The following ZFHX3 variants were observed in gnomAD, a reference collection of about 807,000 sequenced individuals.
The protein encoded by ZFHX3 is zinc finger homeobox protein 3.
In ZFHX3, 42 loss-of-function variants were observed where a neutral mutation model predicts 279.1. The observed-to-expected ratio is 0.15, with a 90% CI of 0.12 to 0.19. ZFHX3 has a LOEUF of 0.19. Among genes scored for constraint, ZFHX3 ranks in the 10% least tolerant of loss-of-function variants. The pLI is 1.00. For missense variants in ZFHX3, 4,981 were observed against 4,754.0 expected (o/e 1.05, Z -1.40); for synonymous variants, 2,293 against 1,957.8 (o/e 1.17, Z -4.52).
chr16:73,316,182 A>G (rs1233702303), intron 4 of ZFHX3, among the ~76,000 whole-genome samples: 2 of 152,230 alleles, frequency 1.3e-5, no homozygotes, highest in Non-Finnish European at 2.9e-5. Flanking sequence ...GCAGGAGAAA[A>G]ATCCCCATTG....
rs1965736489 is a variant in ZFHX3, at chr16:73,065,460, T to A, written c.-532-6448A>T. On this transcript the variant is annotated intron_variant, in intron 8 of 17. Transcript: ENST00000641206. ...ACATATTCTGAATAAACGTGAGGGT[T>A]TTTTTTTTTCTTGAGGAATACCTAG... Among the ~76,000 whole-genome samples, 4 of 150,020 alleles carry A rather than the reference T, an allele frequency of 2.7e-5. No individual in the cohort carries two copies. In the South Asian group the frequency reaches 8.6e-4, roughly 32 times the overall value.
At chr16:73,552,244 C>T (rs2020213533) in intron 2 of ZFHX3, among the ~76,000 whole-genome samples, 1 of 152,148 alleles carries the variant, frequency 6.6e-6, no homozygotes, top group African/African-American at 2.4e-5. Flanking sequence ...CTCTCTCCAC[C>T]CTGCTTTCGG....
rs1318386486 is a variant in ZFHX3, at chr16:72,795,170, G to C, written c.7512C>G (p.Leu2504=). The C allele has an allele frequency of 1.2e-6, 2 of 1,610,598 alleles. No homozygotes were observed. The highest frequency in any genetic ancestry group is 1.7e-6 in the Non-Finnish European group (2 of 1,178,098). The change falls in exon 9 of 10, where the codon CTC becomes CTG. Residue 2504 remains leucine, a synonymous_variant. Transcript: ENST00000268489. The part of the protein sequence containing the change: ...LPQSSPSPSQ[L]SHLPLKPLHT... ...GGAGGGGCTTGAGGGGCAGGTGGGAGAGCTGGGAAGGACTGGGGCTCGACT... is the reference window on the plus strand; with the variant it reads ...GGAGGGGCTTGAGGGGCAGGTGGGACAGCTGGGAAGGACTGGGGCTCGACT...
chr16:73,328,110 A>G (rs2015729872), intron 3 of ZFHX3, among the ~76,000 whole-genome samples: 1 of 152,234 alleles, frequency 6.6e-6, no homozygotes, highest in East Asian at 1.9e-4. Flanking sequence ...AGAGCAACTC[A>G]GGGTCTTTTA....
intron 1 of ZFHX3, among the ~76,000 whole-genome samples, chr16:73,786,922 C>T (rs781569003): frequency 7.2e-5 from 11 of 152,204 alleles, no homozygotes; most frequent in Non-Finnish European, 1.6e-4. Flanking sequence ...GCACCTCAGA[C>T]TGGCTCAATT....
chr16:73,298,382 C>G (rs558642562), intron 4 of ZFHX3, among the ~76,000 whole-genome samples: 1 of 152,040 alleles, frequency 6.6e-6, no homozygotes, highest in East Asian at 1.9e-4. Flanking sequence ...TGGGGTTTCT[C>G]CATGTTGGTC....
chr16:72,891,634 G>A (rs2038775854), intron 3 of ZFHX3, among the ~76,000 whole-genome samples: 1 of 152,216 alleles, frequency 6.6e-6, no homozygotes, highest in Non-Finnish European at 1.5e-5. Flanking sequence ...AGGTAACCCA[G>A]TTAGTTAGGG....
intron 1 of ZFHX3, among the ~76,000 whole-genome samples, chr16:73,685,582 T>C (rs925880759): frequency 1.3e-5 from 2 of 152,246 alleles, no homozygotes; most frequent in African/African-American, 2.4e-5. Flanking sequence ...GGTAAGATGA[T>C]AGATTTGTGT....
intron 4 of ZFHX3, among the ~76,000 whole-genome samples, chr16:72,855,513 T>C (rs1391106887): frequency 6.6e-6 from 1 of 152,188 alleles, no homozygotes; most frequent in African/African-American, 2.4e-5. Flanking sequence ...TTCTAATTCA[T>C]TCTGCAGAGA....
chr16:73,540,255 G>A (rs977167848), intron 2 of ZFHX3, among the ~76,000 whole-genome samples: 21 of 152,300 alleles, frequency 1.4e-4, no homozygotes, highest in African/African-American at 5.1e-4. Flanking sequence ...TGGGCTAGGC[G>A]AAGTCCTAGA....
At chr16:73,305,455 AG>A (rs912597182) in intron 4 of ZFHX3, among the ~76,000 whole-genome samples, 6 of 152,116 alleles carry the variant, frequency 3.9e-5, no homozygotes, top group Non-Finnish European at 8.8e-5. Context: ...TGACTTCCAA[AG>A]TGAGATGTTA....
chr16:72,869,713 T>C (rs1230951218), intron 4 of ZFHX3, among the ~76,000 whole-genome samples: 1 of 152,244 alleles, frequency 6.6e-6, no homozygotes, highest in Non-Finnish European at 1.5e-5. Context: ...TTTCTCCCTA[T>C]TGATTTTTAT....
At position 73,290,295 on chromosome 16, in the gene ZFHX3, C is replaced by A. The variant is rs568881178; in HGVS notation, c.-1194+27945G>T. On this transcript the variant is annotated intron_variant, in intron 4 of 17. Transcript: ENST00000641206. ...ACTGCAGTGTTCAGCACCATGAGAA[C>A]CTGAGAGAGAGACTGGAAGCTCATC... Among the ~76,000 whole-genome samples the A allele has an allele frequency of 2.8e-4, 43 of 152,198 alleles. No homozygotes were observed. In the Middle Eastern group the frequency reaches 0.014, roughly 48 times the overall value.
intron 3 of ZFHX3, among the ~76,000 whole-genome samples, chr16:72,896,346 G>A (rs368463905): frequency 2.7e-4 from 41 of 152,128 alleles, no homozygotes; most frequent in Non-Finnish European, 4.9e-4. Flanking sequence ...CTTCTGACAC[G>A]AAAACATCTC....
At chr16:73,280,362 G>A (rs1173553202) in intron 4 of ZFHX3, among the ~76,000 whole-genome samples, 1 of 152,170 alleles carries the variant, frequency 6.6e-6, no homozygotes, top group African/African-American at 2.4e-5. Context: ...TCTGATAAGA[G>A]TTTAATATCC....
At chr16:73,039,691 CTCTT>C (rs1451992536) in intron 1 of ZFHX3, among the ~76,000 whole-genome samples, 1 of 152,154 alleles carries the variant, frequency 6.6e-6, no homozygotes, top group African/African-American at 2.4e-5. Flanking sequence ...ACCCAAGTAT[CTCTT>C]TTTTTATTTT....
chr16:73,253,183 T>C (rs1217260888), intron 5 of ZFHX3, among the ~76,000 whole-genome samples: 3 of 152,012 alleles, frequency 2.0e-5, no homozygotes. Flanking sequence ...CTGGCTGAGA[T>C]GTAAAGAAAG....
chr16:73,406,198 CAGG>C (rs2017357345), intron 3 of ZFHX3, among the ~76,000 whole-genome samples: 1 of 152,234 alleles, frequency 6.6e-6, no homozygotes, highest in African/African-American at 2.4e-5. Flanking sequence ...ATGTTGGCAC[CAGG>C]AGCTGTTTCC....
intron 3 of ZFHX3, among the ~76,000 whole-genome samples, chr16:72,911,708 C>A (rs1417583376): frequency 6.6e-6 from 1 of 152,170 alleles, no homozygotes; most frequent in Non-Finnish European, 1.5e-5. Context: ...GTGACACTAG[C>A]CACATTTCAA....
Sources: allele counts gnomAD v4.1 joint callset (sites outside exome capture counted in the v4.1 genomes callset), GRCh38; gene constraint gnomAD v4.1.1; transcripts MANE v1.5; gene names NCBI Gene and HGNC (gene_info 2026-07-23, HGNC 2026-07-21).